Variants in PGCKA1 observed in about 807,000 individuals in gnomAD.
The protein encoded by PGCKA1 is PDCD10 and GCKIII kinases-associated protein 1.
At chr4:37,492,039 A>T in the PGCKA1 span, among the ~76,000 whole-genome samples, 1 of 107,700 alleles carries the variant, frequency 9.3e-6, no homozygotes, top group Non-Finnish European at 1.9e-5. This position sits in a 1 kb window ranked among gnomAD's most constrained non-coding sequence, Gnocchi z 4.7. Flanking sequence ...TTTGTGAATT[A>T]TTTTTTCTTT....
chr4:37,542,464 C>T, the PGCKA1 span, among the ~76,000 whole-genome samples: 1 of 152,192 alleles, frequency 6.6e-6, no homozygotes, highest in Non-Finnish European at 1.5e-5. Context: ...TAACAGACCA[C>T]GGAATGTTGT....
At chr4:37,472,442 T>C in the PGCKA1 span, among the ~76,000 whole-genome samples, 1 of 152,224 alleles carries the variant, frequency 6.6e-6, no homozygotes, top group Non-Finnish European at 1.5e-5. Flanking sequence ...AAGATAAATA[T>C]GTCTTCCTTT....
chr4:37,463,987 G>A, the PGCKA1 span, among the ~76,000 whole-genome samples: 126 of 152,220 alleles, frequency 8.3e-4, no homozygotes, highest in Non-Finnish European at 1.5e-3. Context: ...GGTATGACTA[G>A]GCGAGGCACA....
At chr4:37,564,343 G>A in the PGCKA1 span, among the ~76,000 whole-genome samples, 730 of 150,740 alleles carry the variant, frequency 4.8e-3, 5 homozygotes, top group African/African-American at 0.016. Flanking sequence ...ACATGCAAAC[G>A]GCCAACATTT....
chr4:37,510,458 C>T, the PGCKA1 span, among the ~76,000 whole-genome samples: 240 of 152,248 alleles, frequency 1.6e-3, no homozygotes, highest in African/African-American at 5.5e-3. Context: ...CTTCCTAACT[C>T]GTACTGGTAC....
chr4:37,568,804 A>T, the PGCKA1 span, among the ~76,000 whole-genome samples: 1 of 152,082 alleles, frequency 6.6e-6, no homozygotes, highest in Admixed American at 6.5e-5. Context: ...CTTTTTTCCC[A>T]CTTTATCGTT....
the PGCKA1 span, among the ~76,000 whole-genome samples, chr4:37,571,089 C>A: frequency 6.6e-6 from 1 of 152,170 alleles, no homozygotes; most frequent in Admixed American, 6.5e-5. Context: ...CCCATACAAG[C>A]TAGATGCTGG....
chr4:37,486,968 C>T, the PGCKA1 span, among the ~76,000 whole-genome samples: 1 of 152,102 alleles, frequency 6.6e-6, no homozygotes, highest in Non-Finnish European at 1.5e-5. Context: ...ATAAGGAAAG[C>T]TACTAATTTC....
chr4:37,544,336 A>G, the PGCKA1 span, among the ~76,000 whole-genome samples: 1 of 152,002 alleles, frequency 6.6e-6, no homozygotes, highest in African/African-American at 2.4e-5. Flanking sequence ...TCTATTTTTA[A>G]CCATTTCACT....
chr4:37,508,236 C>T, the PGCKA1 span, among the ~76,000 whole-genome samples: 25,647 of 152,030 alleles, frequency 0.17, 2,802 homozygotes, highest in Non-Finnish European at 0.24. Context: ...CCTTCTTACA[C>T]TTGGATATTG....
At chr4:37,584,993 TTTTC>T in the PGCKA1 span, among the ~76,000 whole-genome samples, 1 of 129,220 alleles carries the variant, frequency 7.7e-6, no homozygotes, top group South Asian at 2.5e-4. Flanking sequence ...TCTTTTCTCC[TTTTC>T]TTTGACTTGT....
At chr4:37,530,934 G>A in the PGCKA1 span, among the ~76,000 whole-genome samples, 6 of 152,000 alleles carry the variant, frequency 3.9e-5, no homozygotes, top group Non-Finnish European at 8.8e-5. Context: ...GCAGTGAGCC[G>A]AGAGAGTGCC....
At chr4:37,547,108 C>T in the PGCKA1 span, among the ~76,000 whole-genome samples, 8 of 151,926 alleles carry the variant, frequency 5.3e-5, no homozygotes, top group South Asian at 2.1e-4. Flanking sequence ...TCACCCATGG[C>T]GTGCCTTTAT....
chr4:37,546,239 G>T, the PGCKA1 span, among the ~76,000 whole-genome samples: 1 of 152,156 alleles, frequency 6.6e-6, no homozygotes, highest in Non-Finnish European at 1.5e-5. Flanking sequence ...TTTATACTCA[G>T]TACCTGTTTT....
At chr4:37,569,046 G>A in the PGCKA1 span, among the ~76,000 whole-genome samples, 6 of 151,526 alleles carry the variant, frequency 4.0e-5, no homozygotes, top group Non-Finnish European at 8.8e-5. Context: ...GCAGTGAGCC[G>A]AGATGATGCC....
the PGCKA1 span, among the ~76,000 whole-genome samples, chr4:37,500,008 C>T: frequency 2.0e-5 from 3 of 147,548 alleles, no homozygotes; most frequent in Non-Finnish European, 3.0e-5. Context: ...CTGCAAGCTC[C>T]GCTTCCTGGG....
the PGCKA1 span, among the ~76,000 whole-genome samples, chr4:37,484,139 T>C: frequency 6.6e-6 from 1 of 152,124 alleles, no homozygotes; most frequent in African/African-American, 2.4e-5. Flanking sequence ...CACAAGATGA[T>C]GGTATTGGGA....
At chr4:37,525,611 T>C in the PGCKA1 span, among the ~76,000 whole-genome samples, 15 of 152,210 alleles carry the variant, frequency 9.9e-5, no homozygotes, top group African/African-American at 7.2e-5. Flanking sequence ...GCAGAAAATA[T>C]ATTGCAGTCA....
the PGCKA1 span, among the ~76,000 whole-genome samples, chr4:37,585,114 G>T: frequency 1.4e-4 from 18 of 125,474 alleles, no homozygotes; most frequent in African/African-American, 6.1e-4. Context: ...GGCATGAAAA[G>T]GGTCAGGATT....
Sources: allele counts gnomAD v4.1 joint callset (sites outside exome capture counted in the v4.1 genomes callset), GRCh38; gene constraint gnomAD v4.1.1; non-coding constraint Gnocchi (gnomAD v3.1); transcripts MANE v1.5; gene names NCBI Gene and HGNC (gene_info 2026-07-23, HGNC 2026-07-21).